The following PALS1 variants were observed in gnomAD, a reference collection of about 807,000 sequenced individuals.
PALS1 encodes the protein protein PALS1.
A neutral mutation model predicts 78.9 loss-of-function variants in PALS1; 31 were observed. The observed-to-expected ratio is 0.39, with a 90% CI of 0.30 to 0.53. PALS1 has a LOEUF of 0.53. Among genes scored for constraint, PALS1 ranks in the 20% least tolerant of loss-of-function variants. PALS1 has a pLI of 0.67. For missense variants in PALS1, 704 were observed against 826.5 expected (o/e 0.85, Z 1.82); for synonymous variants, 276 against 270.9 (o/e 1.02, Z -0.18).
rs2085498689 is a variant in PALS1 at position 67,334,447 on chromosome 14, C to G, written c.*1491C>G. ...CATTTCCTATACCCAGAGCTAAACA[C>G]TGGAATAATACTGACATCATTTAAT... On this transcript the variant is annotated 3_prime_UTR_variant, in exon 15 of 15. Coordinates refer to ENST00000261681, the MANE Select transcript of PALS1 (RefSeq NM_022474.4). 6.6e-6 allele frequency: 1 copy of G among 152,624 alleles called. No individual in the cohort carries two copies. Among genetic ancestry groups the G allele is most frequent in the African/African-American group, 2.4e-5 (1 of 41,444 alleles). 9.5% of individuals were successfully genotyped at this position (152,624 alleles called of 1,614,324 possible). A position where few individuals can be genotyped will look rare whatever the true frequency, so the allele number is the denominator to read the frequency against.
chr14:67,281,396 T>A (rs780227419), intron 3 of PALS1, among the ~76,000 whole-genome samples: 19 of 152,340 alleles, frequency 1.2e-4, no homozygotes, highest in Non-Finnish European at 2.2e-4. Context: ...TACATTTTTT[T>A]AATACCTTTA....
chr14:67,316,985 G>A (rs571883299), intron 10 of PALS1, 82 bp downstream of exon 10: 49 of 1,056,880 alleles, frequency 4.6e-5, no homozygotes, highest in Non-Finnish European at 6.3e-5. Context: ...TATTAGAACC[G>A]TGAAGAAGTA....
intron 14 of PALS1, among the ~76,000 whole-genome samples, chr14:67,326,025 C>T (rs1266943216): frequency 1.7e-4 from 23 of 135,010 alleles, no homozygotes; most frequent in Non-Finnish European, 2.7e-4. Context: ...CTGGGTTTCA[C>T]CGTGTTAGCC....
intron 11 of PALS1, among the ~76,000 whole-genome samples, chr14:67,319,243 T>A (rs2085226349): frequency 6.6e-6 from 1 of 152,170 alleles, no homozygotes; most frequent in South Asian, 2.1e-4. Flanking sequence ...TGAGGGAGTC[T>A]GACTTCACAT....
In PALS1 at chr14:67,312,621, T is replaced by G; in HGVS notation, c.1136T>G (p.Leu379Arg). Residue 379 changes from leucine (L) to arginine (R), a missense_variant, in exon 9 of 15, where the codon CTT (leucine) becomes CGT (arginine). By Grantham distance (102) the Leu-to-Arg change is moderately radical. Coordinates refer to ENST00000261681, the MANE Select transcript of PALS1 (RefSeq NM_022474.4). ...LGLSFQKGDILHVISQEDPNW... is the reference protein window; with the variant it reads ...LGLSFQKGDIRHVISQEDPNW... Reference sequence around the variant, plus strand: ...CTGTCTTTTCAAAAAGGTGATATACTTCATGTGATCAGTCAAGAAGATCCA... The same window carrying G: ...CTGTCTTTTCAAAAAGGTGATATACGTCATGTGATCAGTCAAGAAGATCCA... 6.2e-7 allele frequency: 1 copy of G among 1,613,710 alleles called. No homozygotes were observed. The highest frequency in any genetic ancestry group is 8.5e-7 in the Non-Finnish European group (1 of 1,179,780).
chr14:67,281,453 A>G (rs1373607378), intron 3 of PALS1, among the ~76,000 whole-genome samples: 1 of 152,134 alleles, frequency 6.6e-6, no homozygotes, highest in Non-Finnish European at 1.5e-5. Context: ...TTATTAGAGT[A>G]AAAATACTTC....
At position 67,292,500 on chromosome 14, in the gene PALS1, T is replaced by A; in HGVS notation, c.368-11T>A. The A allele has an allele frequency of 3.2e-6, 5 of 1,571,732 alleles. No homozygotes were observed. The highest frequency in any genetic ancestry group is 3.5e-6 in the Non-Finnish European group (4 of 1,143,938). On this transcript the variant is annotated splice_polypyrimidine_tract_variant and intron_variant, in intron 3 of 14. Coordinates refer to ENST00000261681, the MANE Select transcript of PALS1 (RefSeq NM_022474.4). Reference sequence around the variant, plus strand: ...CAGTTAATTTTTGGATACCTTTTCTTCTTCTACTAGAAATAGAAGACTTGT... The same window carrying A: ...CAGTTAATTTTTGGATACCTTTTCTACTTCTACTAGAAATAGAAGACTTGT...
intron 8 of PALS1, among the ~76,000 whole-genome samples, chr14:67,309,400 G>A (rs1261836788): frequency 6.6e-6 from 1 of 151,988 alleles, no homozygotes; most frequent in Admixed American, 6.6e-5. Context: ...ATTTTCCTTA[G>A]GAAAAATTAA....
At chr14:67,252,733 G>A (rs1028243641) in intron 1 of PALS1, among the ~76,000 whole-genome samples, 3 of 152,150 alleles carry the variant, frequency 2.0e-5, no homozygotes, top group Non-Finnish European at 2.9e-5. Flanking sequence ...AAAAAAGCTC[G>A]GAATGGCACA....
intron 1 of PALS1, among the ~76,000 whole-genome samples, chr14:67,245,975 G>A (rs1192729642): frequency 1.3e-5 from 2 of 151,586 alleles, no homozygotes; most frequent in Non-Finnish European, 2.9e-5. Context: ...TTATTTGTTT[G>A]TCCAGTTCCA....
chr14:67,310,922 T>A (rs941123654), intron 8 of PALS1, among the ~76,000 whole-genome samples: 2 of 152,200 alleles, frequency 1.3e-5, no homozygotes, highest in African/African-American at 2.4e-5. Context: ...TTAGTCAGTG[T>A]CTCAAGTGCT....
At chr14:67,300,073 TTGAGTTC>T (rs2084911146) in intron 4 of PALS1, among the ~76,000 whole-genome samples, 1 of 152,180 alleles carries the variant, frequency 6.6e-6, no homozygotes, top group Non-Finnish European at 1.5e-5. Flanking sequence ...AAGATTTTAG[TTGAGTTC>T]TTGAAGAAGA....
intron 4 of PALS1, among the ~76,000 whole-genome samples, chr14:67,298,631 T>C (rs2084891799): frequency 6.6e-6 from 1 of 152,216 alleles, no homozygotes; most frequent in Non-Finnish European, 1.5e-5. Context: ...AAAGTTTAGA[T>C]GCTATGAGTA....
At chr14:67,246,854 G>T (rs1430423366) in intron 1 of PALS1, among the ~76,000 whole-genome samples, 1 of 152,022 alleles carries the variant, frequency 6.6e-6, no homozygotes, top group African/African-American at 2.4e-5. Context: ...GTTTCACCGT[G>T]TTGGCCAGGA....
chr14:67,257,918 A>T (rs556443785), intron 1 of PALS1, among the ~76,000 whole-genome samples: 1 of 152,160 alleles, frequency 6.6e-6, no homozygotes, highest in Non-Finnish European at 1.5e-5. Context: ...GGGGCCCCTT[A>T]TATGGAGTGT....
intron 13 of PALS1, 94 bp downstream of exon 13, chr14:67,321,353 G>C: frequency 8.7e-7 from 1 of 1,153,808 alleles, no homozygotes; most frequent in South Asian, 1.3e-5. Context: ...AGAACAGCGC[G>C]ACCTAATTAA....
chr14:67,328,426 G>T (rs1036488984), intron 14 of PALS1, among the ~76,000 whole-genome samples: 1 of 152,194 alleles, frequency 6.6e-6, no homozygotes, highest in Non-Finnish European at 1.5e-5. Flanking sequence ...CTCCCATTCT[G>T]TAGGTTGCCT....
rs553439607 is a variant in PALS1 at position 67,310,559 on chromosome 14, G to A, written c.1042-1968G>A. On this transcript the variant is annotated intron_variant, in intron 8 of 14. Transcript: ENST00000261681. ...AGTTATACAGGTCTGTTTAGTTAGT[G>A]AAAATTCACTATGCTATACACTTAT... is the stretch of plus-strand genomic sequence containing the variant. 3.3e-5 allele frequency among the ~76,000 whole-genome samples: 5 copies of A among 152,180 alleles called. No individual in the cohort carries two copies. The East Asian group carries it at 9.7e-4, about 29-fold the overall frequency.
intron 1 of PALS1, among the ~76,000 whole-genome samples, chr14:67,251,347 A>G (rs1004698998): frequency 1.3e-5 from 2 of 152,204 alleles, no homozygotes; most frequent in East Asian, 3.9e-4. Context: ...AACCTGGGCA[A>G]CACAGTGGGA....
Sources: gnomAD v4.1 joint callset for allele counts (sites outside exome capture counted in the v4.1 genomes callset) on GRCh38, gnomAD v4.1.1 for gene constraint, MANE v1.5 for transcripts, NCBI Gene and HGNC (gene_info 2026-07-23, HGNC 2026-07-21) for gene names.